HESX1: variants seen among roughly 807,000 people sequenced by gnomAD.
HESX1 encodes homeobox expressed in ES cells 1.
Under a neutral mutation model 22.5 loss-of-function variants are expected in HESX1, and 11 were observed. The ratio of observed to expected loss-of-function variants is 0.49; its 90% confidence interval spans 0.31 to 0.81. HESX1 has a LOEUF of 0.81. Ranked by LOEUF, HESX1 falls within the 30% of genes least tolerant of loss-of-function variation. HESX1 has a pLI of 0.05. For missense variants in HESX1, 201 were observed against 212.6 expected (o/e 0.95, Z 0.34); for synonymous variants, 74 against 76.5 (o/e 0.97, Z 0.17).
chr3:57,201,910 T>TCTATCTAC (rs1274366126), upstream of HESX1, among the ~76,000 whole-genome samples: 3 of 151,694 alleles, frequency 2.0e-5, no homozygotes, highest in Non-Finnish European at 2.9e-5. Flanking sequence ...TATCTATCTA[T>TCTATCTAC]CTATCTATCT....
At chr3:57,219,571 G>A (rs543000088) in intron 1 of HESX1, among the ~76,000 whole-genome samples, 1 of 152,116 alleles carries the variant, frequency 6.6e-6, no homozygotes, top group Non-Finnish European at 1.5e-5. Context: ...GTTTCACCGT[G>A]TCAGCCAGGA....
At chr3:57,207,294 C>T (rs557408916) in intron 1 of HESX1, among the ~76,000 whole-genome samples, 2 of 152,330 alleles carry the variant, frequency 1.3e-5, no homozygotes, top group African/African-American at 4.8e-5. Context: ...ATTTCCCAGA[C>T]TGCCTTGCAT....
chr3:57,204,075 G>A (rs1358169343), upstream of HESX1, among the ~76,000 whole-genome samples: 1 of 152,234 alleles, frequency 6.6e-6, no homozygotes, highest in Non-Finnish European at 1.5e-5. Context: ...GCAGCCTGCA[G>A]CCAAGTCAGC....
rs146029258 is a variant in HESX1 at position 57,198,855 on chromosome 3, C to T, written c.255G>A (p.Ser85=). 3.4e-5 allele frequency: 55 copies of T among 1,614,076 alleles called. No homozygotes were observed. The African/African-American group carries it at 5.2e-4, about 15-fold the overall frequency. The change falls in exon 2 of 4, where the codon TCG becomes TCA. Residue 85 remains serine (S), a synonymous_variant. Transcript: ENST00000295934. ...VDHPMPEERA[S]KYENYFSASE... ...AGGCTGAAAAGTAATTTTCATATTTCGAAGCTCTTTCTTCTGGCATTGGGT... is the reference window on the plus strand; with the variant it reads ...AGGCTGAAAAGTAATTTTCATATTTTGAAGCTCTTTCTTCTGGCATTGGGT...
upstream of HESX1, chr3:57,200,170 C>G: frequency 2.0e-6 from 1 of 496,260 alleles, no homozygotes; most frequent in South Asian, 2.1e-5. Context: ...ACCAGGGGGG[C>G]CACCTACAGG....
intron 1 of HESX1, among the ~76,000 whole-genome samples, chr3:57,211,486 T>A (rs1314827570): frequency 8.0e-6 from 1 of 125,238 alleles, no homozygotes; most frequent in Non-Finnish European, 1.6e-5. Context: ...ACTGTGATCA[T>A]GCCACTACAC....
rs770233248 is a variant in HESX1, at chr3:57,199,960, G to A, written c.-42C>T. 10 of 1,598,226 alleles carry A rather than the reference G, an allele frequency of 6.3e-6. No individual in the cohort carries two copies. Among genetic ancestry groups the A allele is most frequent in the Middle Eastern group, 1.9e-4 (1 of 5,344 alleles). On this transcript the variant is annotated 5_prime_UTR_variant, in exon 1 of 4. Coordinates refer to ENST00000295934, the MANE Select transcript of HESX1 (RefSeq NM_003865.3). ...CAGAGCAACAGCTCTGGCCTCTGCTGGCTCTGCCCCACGTGTATAGGGCTG... is the reference window on the plus strand; with the variant it reads ...CAGAGCAACAGCTCTGGCCTCTGCTAGCTCTGCCCCACGTGTATAGGGCTG...
At chr3:57,220,949 G>A (rs561997299) in intron 1 of HESX1, among the ~76,000 whole-genome samples, 22 of 152,076 alleles carry the variant, frequency 1.4e-4, no homozygotes, top group South Asian at 4.2e-4. Flanking sequence ...TGGGCTCTGC[G>A]CAATTCTTGA....
intron 1 of HESX1, among the ~76,000 whole-genome samples, chr3:57,216,564 T>C (rs1051881145): frequency 6.6e-6 from 1 of 152,212 alleles, no homozygotes; most frequent in Admixed American, 6.5e-5. Context: ...GTGAGCTATA[T>C]TGTGCCACTG....
intron 1 of HESX1, among the ~76,000 whole-genome samples, chr3:57,205,919 A>C (rs1211673995): frequency 6.6e-6 from 1 of 152,106 alleles, no homozygotes; most frequent in African/African-American, 2.4e-5. Flanking sequence ...GGCTAGGCGC[A>C]GTGGCTCACA....
intron 1 of HESX1, among the ~76,000 whole-genome samples, chr3:57,210,348 TTG>T (rs1352070433): frequency 1.3e-5 from 2 of 152,192 alleles, no homozygotes. Context: ...TATCTTTAAA[TTG>T]TGTATTTCAA....
chr3:57,203,518 G>A (rs1414538334), upstream of HESX1, among the ~76,000 whole-genome samples: 1 of 152,168 alleles, frequency 6.6e-6, no homozygotes, highest in South Asian at 2.1e-4. Flanking sequence ...TGTGGGAAGT[G>A]ATGTGAGCAG....
chr3:57,198,687 C>CT, intron 2 of HESX1, 66 bp downstream of exon 2: 1 of 1,438,914 alleles, frequency 6.9e-7, no homozygotes, highest in Non-Finnish European at 9.8e-7. Flanking sequence ...AGTGAGTGGG[C>CT]TTTTGCTCAA....
Position 57,197,997 on chromosome 3 carries a change from A to G in HESX1, c.*200T>C. The G allele has an allele frequency of 2.4e-6, 1 of 417,134 alleles. No homozygotes were observed. The highest frequency in any genetic ancestry group is 4.3e-6 in the Non-Finnish European group (1 of 234,702). 25.8% of individuals were successfully genotyped at this position (417,134 alleles called of 1,614,324 possible). A position where few individuals can be genotyped will look rare whatever the true frequency, so the allele number is the denominator to read the frequency against. Reference sequence around the variant, plus strand: ...CTTTTCTGAAAATGTTTATTAAAATATATATAAAAGGTCTTTACTATAACT... The same window carrying G: ...CTTTTCTGAAAATGTTTATTAAAATGTATATAAAAGGTCTTTACTATAACT... On this transcript the variant is annotated 3_prime_UTR_variant, in exon 4 of 4. Coordinates refer to ENST00000295934, the MANE Select transcript of HESX1 (RefSeq NM_003865.3).
At chr3:57,209,238 C>G (rs1324613735) in intron 1 of HESX1, among the ~76,000 whole-genome samples, 3 of 152,172 alleles carry the variant, frequency 2.0e-5, no homozygotes, top group Admixed American at 6.5e-5. Context: ...TAAACTTGGA[C>G]AGACACACAT....
At chr3:57,213,949 G>T (rs576939572) in intron 1 of HESX1, among the ~76,000 whole-genome samples, 1 of 152,270 alleles carries the variant, frequency 6.6e-6, no homozygotes, top group African/African-American at 2.4e-5. Context: ...ACTTTTCAAT[G>T]ATAACAAACA....
upstream of HESX1, among the ~76,000 whole-genome samples, chr3:57,203,611 G>A (rs1307351894): frequency 1.3e-5 from 2 of 152,110 alleles, no homozygotes; most frequent in African/African-American, 4.8e-5. Flanking sequence ...CTGGAGTGCA[G>A]TGGCGCAACC....
intron 3 of HESX1, 37 bp downstream of exon 3, chr3:57,198,354 T>G (rs1012304897): frequency 6.5e-7 from 1 of 1,548,014 alleles, no homozygotes. Flanking sequence ...TTCTTAACAT[T>G]TCAACATCAT....
chr3:57,205,993 C>T (rs1026695447), intron 1 of HESX1, among the ~76,000 whole-genome samples: 1 of 152,082 alleles, frequency 6.6e-6, no homozygotes, highest in African/African-American at 2.4e-5. Context: ...GAGTTTGAGA[C>T]CAGCCTGGCC....
Sources: allele counts gnomAD v4.1 joint callset (sites outside exome capture counted in the v4.1 genomes callset), GRCh38; gene constraint gnomAD v4.1.1; transcripts MANE v1.5; gene names NCBI Gene and HGNC (gene_info 2026-07-23, HGNC 2026-07-21).